Variants in CNTN5 observed in about 807,000 individuals in gnomAD.
CNTN5 encodes contactin-5.
A neutral mutation model predicts 129.1 loss-of-function variants in CNTN5; 77 were observed. The ratio of observed to expected loss-of-function variants is 0.60; its 90% CI spans 0.50 to 0.72. The LOEUF is 0.72. Among genes scored for constraint, CNTN5 ranks in the 30% least tolerant of loss-of-function variants. CNTN5 has a pLI of 0.00. For synonymous variants in CNTN5, 509 were observed against 465.6 expected, an observed-to-expected ratio of 1.09 and a Z score of -1.20; for missense variants, 1,478 against 1,328.8, an observed-to-expected ratio of 1.11 and a Z score of -1.75.
At chr11:99,991,206 G>A (rs1324204696) in intron 8 of CNTN5, among the ~76,000 whole-genome samples, 3 of 152,026 alleles carry the variant, frequency 2.0e-5, no homozygotes, top group Non-Finnish European at 4.4e-5. Flanking sequence ...GGTGGCTCAC[G>A]CCTGTAATCC....
chr11:99,596,850 C>T (rs1306822208), intron 3 of CNTN5, among the ~76,000 whole-genome samples: 2 of 152,000 alleles, frequency 1.3e-5, no homozygotes, highest in Non-Finnish European at 2.9e-5. Flanking sequence ...ATAATAATCG[C>T]AATAAATTAT....
At chr11:99,508,686 C>CTTTCT (rs11281160) in intron 2 of CNTN5, among the ~76,000 whole-genome samples, 20 of 146,826 alleles carry the variant, frequency 1.4e-4, no homozygotes, top group Non-Finnish European at 2.4e-4. Flanking sequence ...TCTTTTCTTT[C>CTTTCT]TTTTTTTTTT....
rs148965177 is a variant in CNTN5, at chr11:99,803,308, T to C, written c.56-16236T>C. On this transcript the variant is annotated intron_variant, in intron 3 of 24. Transcript: ENST00000524871. ...GAGCTGGCCCTGGCTGCAGGTCTTGTTACCCTGGAGAAACCACAGCTGTAG... is the reference window on the plus strand; with the variant it reads ...GAGCTGGCCCTGGCTGCAGGTCTTGCTACCCTGGAGAAACCACAGCTGTAG... Among the ~76,000 whole-genome samples the C allele has an allele frequency of 1.9e-4, 29 of 152,272 alleles. No individual in the cohort carries two copies. In the East Asian group the frequency reaches 5.6e-3, roughly 29 times the overall value.
intron 2 of CNTN5, among the ~76,000 whole-genome samples, chr11:99,370,054 G>T (rs936762976): frequency 3.3e-5 from 5 of 152,090 alleles, no homozygotes; most frequent in Admixed American, 6.6e-5. Flanking sequence ...CAGTTGAAAA[G>T]GTGTTGAAGA....
intron 2 of CNTN5, among the ~76,000 whole-genome samples, chr11:99,445,806 G>A (rs1278428869): frequency 2.6e-5 from 4 of 151,858 alleles, no homozygotes; most frequent in African/African-American, 7.3e-5. Flanking sequence ...CCTTAGGGCC[G>A]GGCGCGGTGA....
At chr11:99,269,059 C>T (rs1439553713) in intron 1 of CNTN5, among the ~76,000 whole-genome samples, 2 of 151,864 alleles carry the variant, frequency 1.3e-5, no homozygotes, top group Non-Finnish European at 2.9e-5. Flanking sequence ...GATAGATTTC[C>T]TCTGTTTTAT....
intron 15 of CNTN5, among the ~76,000 whole-genome samples, chr11:100,213,330 A>G (rs1949071792): frequency 6.6e-6 from 1 of 152,176 alleles, no homozygotes; most frequent in South Asian, 2.1e-4. Flanking sequence ...CAATGACTTC[A>G]GTTCCAGCAT....
intron 2 of CNTN5, among the ~76,000 whole-genome samples, chr11:99,475,132 C>G (rs1007929271): frequency 4.6e-5 from 7 of 151,112 alleles, no homozygotes; most frequent in African/African-American, 1.7e-4. Context: ...AAGATCCACC[C>G]TCATGAATGT....
chr11:99,087,472 A>C (rs569355852), intron 1 of CNTN5, among the ~76,000 whole-genome samples: 1 of 152,310 alleles, frequency 6.6e-6, no homozygotes, highest in African/African-American at 2.4e-5. Flanking sequence ...ATAAACAGTA[A>C]TTGAGGACTC....
intron 9 of CNTN5, among the ~76,000 whole-genome samples, chr11:100,033,399 G>A (rs1941822093): frequency 6.6e-6 from 1 of 152,124 alleles, no homozygotes; most frequent in South Asian, 2.1e-4. Context: ...CAATTATAAA[G>A]GTTTCTGGCC....
intron 13 of CNTN5, among the ~76,000 whole-genome samples, chr11:100,163,118 T>C (rs926582926): frequency 2.0e-5 from 3 of 151,414 alleles, no homozygotes; most frequent in Admixed American, 6.6e-5. Context: ...TGTACTAAAT[T>C]TCATTTCGAC....
chr11:99,236,259 C>T (rs4475888), intron 1 of CNTN5, among the ~76,000 whole-genome samples: 128,326 of 152,108 alleles, frequency 0.84, 54,270 homozygotes, highest in East Asian at 0.94. Context: ...CTTTCCACTA[C>T]AGCTTTTCTT....
At chr11:99,232,803 T>A (rs753023472) in intron 1 of CNTN5, among the ~76,000 whole-genome samples, 3 of 152,240 alleles carry the variant, frequency 2.0e-5, no homozygotes, top group Non-Finnish European at 1.5e-5. Flanking sequence ...TATGATCTAA[T>A]AACTTTGGCT....
At chr11:100,246,376 TCTGA>T (rs1379497124) in intron 16 of CNTN5, among the ~76,000 whole-genome samples, 1 of 148,362 alleles carries the variant, frequency 6.7e-6, no homozygotes, top group Non-Finnish European at 1.5e-5. Context: ...ATAAAATTAT[TCTGA>T]CTCTTTGTCC....
intron 21 of CNTN5, among the ~76,000 whole-genome samples, chr11:100,329,391 G>A (rs974594443): frequency 2.8e-4 from 42 of 152,148 alleles, no homozygotes; most frequent in African/African-American, 9.7e-4. Flanking sequence ...AAAACTCTAA[G>A]GCCCCAGCCA....
At chr11:100,297,255 G>A (rs1346019551) in intron 18 of CNTN5, among the ~76,000 whole-genome samples, 2 of 151,356 alleles carry the variant, frequency 1.3e-5, no homozygotes, top group South Asian at 2.1e-4. Flanking sequence ...ATTTTTCAGT[G>A]GCTCTGCAAG....
At chr11:99,289,168 G>T (rs1270437338) in intron 1 of CNTN5, among the ~76,000 whole-genome samples, 1 of 151,742 alleles carries the variant, frequency 6.6e-6, no homozygotes, top group Non-Finnish European at 1.5e-5. Flanking sequence ...CTAACATATT[G>T]TCTGGACTAA....
intron 13 of CNTN5, among the ~76,000 whole-genome samples, chr11:100,113,341 C>T (rs1234949290): frequency 7.2e-6 from 1 of 138,604 alleles, no homozygotes; most frequent in Non-Finnish European, 1.5e-5. Flanking sequence ...CGCCATGTAA[C>T]CTGAAACTAA....
chr11:99,334,769 A>G (rs1866150288), intron 2 of CNTN5, among the ~76,000 whole-genome samples: 1 of 152,106 alleles, frequency 6.6e-6, no homozygotes, highest in Non-Finnish European at 1.5e-5. Flanking sequence ...TTATCATTTC[A>G]TGTAGAAATT....
Sources: gnomAD v4.1 joint callset for allele counts (sites outside exome capture counted in the v4.1 genomes callset) on GRCh38, gnomAD v4.1.1 for gene constraint, MANE v1.5 for transcripts, NCBI Gene and HGNC (gene_info 2026-07-23, HGNC 2026-07-21) for gene names.